The following GAP43 variants were observed in gnomAD, a reference collection of about 807,000 sequenced individuals.
GAP43 encodes growth associated protein 43.
A neutral mutation model predicts 18.6 loss-of-function variants in GAP43; 6 were observed. That is an observed-to-expected ratio of 0.32 (90% CI 0.18 to 0.64). The LOEUF (loss-of-function observed/expected upper bound fraction) is 0.64, where lower values mean the gene tolerates loss of function less well. Ranked by LOEUF, GAP43 falls within the 30% of genes least tolerant of loss-of-function variation. GAP43 has a pLI of 0.78. For missense variants in GAP43, 292 were observed against 295.5 expected (o/e 0.99, Z 0.09); for synonymous variants, 115 against 111.4 (o/e 1.03, Z -0.20).
intron 1 of GAP43, among the ~76,000 whole-genome samples, chr3:115,664,663 A>G (rs1708710622): frequency 6.6e-6 from 1 of 152,234 alleles, no homozygotes; most frequent in African/African-American, 2.4e-5. Flanking sequence ...GAGAGAATCC[A>G]GTGCCAAAAA....
chr3:115,624,217 C>T (rs145843543), intron 1 of GAP43, among the ~76,000 whole-genome samples: 7 of 151,880 alleles, frequency 4.6e-5, no homozygotes, highest in Non-Finnish European at 8.8e-5. Flanking sequence ...TTCGAAGGGG[C>T]GCAGGTATTT....
At chr3:115,706,127 A>T (rs824354) in intron 2 of GAP43, among the ~76,000 whole-genome samples, 3 of 151,834 alleles carry the variant, frequency 2.0e-5, no homozygotes, top group Non-Finnish European at 4.4e-5. Flanking sequence ...TTCCTTCATC[A>T]TATGCCTGTC....
At chr3:115,663,355 G>A (rs927211397) in intron 1 of GAP43, among the ~76,000 whole-genome samples, 4 of 152,122 alleles carry the variant, frequency 2.6e-5, no homozygotes, top group Non-Finnish European at 4.4e-5. Context: ...TTTACCACCT[G>A]CTCAATCCCT....
chr3:115,697,936 G>A (rs1169229519), intron 2 of GAP43, among the ~76,000 whole-genome samples: 1 of 143,992 alleles, frequency 6.9e-6, no homozygotes, highest in Non-Finnish European at 1.5e-5. Context: ...CCATGCGGGA[G>A]CATTTCTTCA....
intron 1 of GAP43, among the ~76,000 whole-genome samples, chr3:115,653,203 G>C (rs1016914005): frequency 1.3e-5 from 2 of 152,166 alleles, no homozygotes; most frequent in African/African-American, 4.8e-5. Flanking sequence ...ACTTTGGGAG[G>C]CTGAGGGGGG....
chr3:115,684,778 T>G (rs1709013201), intron 2 of GAP43, among the ~76,000 whole-genome samples: 1 of 152,208 alleles, frequency 6.6e-6, no homozygotes, highest in African/African-American at 2.4e-5. Flanking sequence ...GCCTAAGAAC[T>G]AAAACCCTGG....
At chr3:115,641,111 T>C (rs1366191953) in intron 1 of GAP43, among the ~76,000 whole-genome samples, 2 of 149,906 alleles carry the variant, frequency 1.3e-5, no homozygotes, top group Non-Finnish European at 3.0e-5. Flanking sequence ...GCAATCCTCC[T>C]GCCTTGGCCT....
chr3:115,705,930 G>C (rs993564986), intron 2 of GAP43, among the ~76,000 whole-genome samples: 2 of 152,128 alleles, frequency 1.3e-5, no homozygotes, highest in African/African-American at 4.8e-5. Flanking sequence ...GTTTGAACAA[G>C]ATTCCAAAAG....
intron 2 of GAP43, among the ~76,000 whole-genome samples, chr3:115,704,960 T>C (rs976186249): frequency 7.9e-5 from 12 of 152,192 alleles, no homozygotes; most frequent in African/African-American, 2.9e-4. Context: ...GATTTTGTAT[T>C]TTTGTCCTGA....
chr3:115,689,626 G>C (rs1480105567), intron 2 of GAP43, among the ~76,000 whole-genome samples: 1 of 152,138 alleles, frequency 6.6e-6, no homozygotes, highest in Non-Finnish European at 1.5e-5. Context: ...CTCTGAGTCT[G>C]AATGAGGATA....
chr3:115,682,726 G>C (rs1056455879), intron 2 of GAP43, among the ~76,000 whole-genome samples: 1 of 152,064 alleles, frequency 6.6e-6, no homozygotes, highest in African/African-American at 2.4e-5. Flanking sequence ...TAGTAAAGAC[G>C]GGATTTTACC....
intron 1 of GAP43, among the ~76,000 whole-genome samples, chr3:115,626,706 G>T (rs1708191522): frequency 1.3e-5 from 2 of 152,106 alleles, no homozygotes; most frequent in Admixed American, 1.3e-4. Context: ...AATGACTTTA[G>T]TTTGTAATTG....
intron 1 of GAP43, among the ~76,000 whole-genome samples, chr3:115,648,100 T>C (rs1444501318): frequency 6.6e-6 from 1 of 152,146 alleles, no homozygotes; most frequent in East Asian, 1.9e-4. Context: ...CCAGTTGTTT[T>C]GTAGTCTAGG....
At chr3:115,702,926 C>T (rs1029677891) in intron 2 of GAP43, among the ~76,000 whole-genome samples, 2 of 151,920 alleles carry the variant, frequency 1.3e-5, no homozygotes, top group Non-Finnish European at 2.9e-5. Context: ...AAAGAGTTGA[C>T]GCAAGTCATA....
chr3:115,626,785 G>T (rs1002627167), intron 1 of GAP43, among the ~76,000 whole-genome samples: 2 of 152,116 alleles, frequency 1.3e-5, no homozygotes, highest in African/African-American at 2.4e-5. Context: ...GCCAATATCT[G>T]CTTTTTTCCT....
At chr3:115,706,844 T>A (rs1276275105) in intron 2 of GAP43, among the ~76,000 whole-genome samples, 4 of 152,248 alleles carry the variant, frequency 2.6e-5, no homozygotes, top group Admixed American at 6.5e-5. Flanking sequence ...TATGATTGGA[T>A]AAGCATAAGT....
chr3:115,720,436 T>G (rs1402222976), intron 2 of GAP43, among the ~76,000 whole-genome samples: 3 of 152,234 alleles, frequency 2.0e-5, no homozygotes, highest in Non-Finnish European at 4.4e-5. Context: ...CTTCTGACAC[T>G]AATAGAACAG....
intron 2 of GAP43, among the ~76,000 whole-genome samples, chr3:115,717,460 C>T (rs1336624925): frequency 6.6e-6 from 1 of 152,032 alleles, no homozygotes; most frequent in African/African-American, 2.4e-5. Flanking sequence ...TAGGCACATG[C>T]CACTATGCCC....
chr3:115,638,705 A>G (rs773468662), intron 1 of GAP43, among the ~76,000 whole-genome samples: 4 of 151,382 alleles, frequency 2.6e-5, no homozygotes, highest in Non-Finnish European at 5.9e-5. Flanking sequence ...CTTTCTAAAC[A>G]CTGTTCCTTT....
Sources: gnomAD v4.1 joint callset for allele counts (sites outside exome capture counted in the v4.1 genomes callset) on GRCh38, gnomAD v4.1.1 for gene constraint, MANE v1.5 for transcripts, NCBI Gene and HGNC (gene_info 2026-07-23, HGNC 2026-07-21) for gene names.